The following BAZ2B variants were observed in gnomAD, a reference collection of about 807,000 sequenced individuals.
BAZ2B encodes the protein bromodomain adjacent to zinc finger domain 2B.
BAZ2B carries 91 observed loss-of-function variants against 246.0 expected under a neutral mutation model. The ratio of observed to expected loss-of-function variants is 0.37; its 90% CI spans 0.31 to 0.44. The LOEUF (loss-of-function observed/expected upper bound fraction) is 0.44. Among genes scored for constraint, BAZ2B ranks in the 20% least tolerant of loss-of-function variants. The pLI is 1.00. For missense variants in BAZ2B, 2,332 were observed against 2,533.7 expected (o/e 0.92, Z 1.71); for synonymous variants, 855 against 860.0 (o/e 0.99, Z 0.10).
the BAZ2B span, among the ~76,000 whole-genome samples, chr2:159,625,810 C>G: frequency 6.6e-6 from 1 of 152,090 alleles, no homozygotes; most frequent in Non-Finnish European, 1.5e-5. Flanking sequence ...ATGACAGGAT[C>G]AAATTCACAC....
intron 1 of BAZ2B, among the ~76,000 whole-genome samples, chr2:159,603,850 C>T (rs1318810598): frequency 6.6e-6 from 1 of 152,168 alleles, no homozygotes; most frequent in Non-Finnish European, 1.5e-5. Flanking sequence ...TCTATGGCCA[C>T]TCCTGTCATT....
At chr2:159,648,692 A>G in the BAZ2B span, among the ~76,000 whole-genome samples, 1 of 152,118 alleles carries the variant, frequency 6.6e-6, no homozygotes, top group Non-Finnish European at 1.5e-5. Flanking sequence ...CATTATACAG[A>G]TATCAGGTTT....
At chr2:159,699,924 C>T in the BAZ2B span, among the ~76,000 whole-genome samples, 4 of 152,148 alleles carry the variant, frequency 2.6e-5, no homozygotes, top group African/African-American at 9.7e-5. Context: ...CAAGATGGCA[C>T]TTTGTTGCTG....
the BAZ2B span, among the ~76,000 whole-genome samples, chr2:159,702,806 C>T: frequency 5.7e-3 from 868 of 152,156 alleles, 6 homozygotes; most frequent in African/African-American, 0.02. Flanking sequence ...TTTGGGACGC[C>T]GAGGCGGGCG....
intron 1 of BAZ2B, among the ~76,000 whole-genome samples, chr2:159,607,565 A>AGCAATGGAGGAAT (rs1157626974): frequency 6.6e-6 from 1 of 151,780 alleles, no homozygotes; most frequent in African/African-American, 2.4e-5. Flanking sequence ...CAATTTTGAA[A>AGCAATGGAGGAAT]GGAAGGATCC....
intron 1 of BAZ2B, among the ~76,000 whole-genome samples, chr2:159,583,030 A>T (rs1232223671): frequency 6.6e-6 from 1 of 152,154 alleles, no homozygotes; most frequent in African/African-American, 2.4e-5. Flanking sequence ...CAAAATACTT[A>T]TACATATAAG....
In BAZ2B at chr2:159,361,050, T is replaced by TCAC. The variant is rs1368582814; in HGVS notation, c.4214-10694_4214-10693insGTG. On this transcript the variant is annotated intron_variant, in intron 27 of 36. Transcript: ENST00000392783. ...CAGGACATAGGCATGGGCAAGGACT[T>TCAC]GGTAACTAAAACACTAAAAGCAATG... Among the ~76,000 whole-genome samples the TCAC allele has an allele frequency of 9.2e-3, 1,399 of 151,470 alleles. 21 individuals are homozygous for TCAC. The highest frequency in any genetic ancestry group is 0.051 in the East Asian group (259 of 5,048).
intron 2 of BAZ2B, among the ~76,000 whole-genome samples, chr2:159,547,324 C>CT (rs1179254921): frequency 6.6e-6 from 1 of 152,022 alleles, no homozygotes; most frequent in Non-Finnish European, 1.5e-5. Flanking sequence ...ATTAGTTAAA[C>CT]TTTTTTAACA....
chr2:159,634,221 C>A, the BAZ2B span, among the ~76,000 whole-genome samples: 1 of 152,278 alleles, frequency 6.6e-6, no homozygotes. Context: ...TAATGGTGAT[C>A]TTTCTTGTTC....
the BAZ2B span, among the ~76,000 whole-genome samples, chr2:159,703,966 A>G: frequency 1.3e-5 from 2 of 152,242 alleles, no homozygotes; most frequent in Non-Finnish European, 2.9e-5. Flanking sequence ...CTTATGTGCC[A>G]TGCTAAAGTT....
At chr2:159,361,211 G>A (rs1187070972) in intron 27 of BAZ2B, among the ~76,000 whole-genome samples, 1 of 152,138 alleles carries the variant, frequency 6.6e-6, no homozygotes, top group African/African-American at 2.4e-5. Flanking sequence ...ATCTGACAAA[G>A]CGCTAGTATC....
chr2:159,697,160 T>C, the BAZ2B span, among the ~76,000 whole-genome samples: 1 of 152,172 alleles, frequency 6.6e-6, no homozygotes, highest in African/African-American at 2.4e-5. Flanking sequence ...AGTAATGCAT[T>C]TGCCACTACT....
rs1234527235 is a variant in BAZ2B at position 159,338,456 on chromosome 2, A to G, written c.5455-684T>C. 2.0e-5 allele frequency among the ~76,000 whole-genome samples: 3 copies of G among 152,204 alleles called. No homozygotes were observed. The East Asian group carries it at 5.8e-4, about 29-fold the overall frequency. On this transcript the variant is annotated intron_variant, in intron 31 of 36. Transcript: ENST00000392783. The stretch of plus-strand genomic sequence containing the variant: ...TATTTTTCTACTTCTAAATTCCATG[A>G]GAGCAGGGACTATGTCTGCTTTTAC...
intron 1 of BAZ2B, among the ~76,000 whole-genome samples, chr2:159,557,589 T>G (rs2089341071): frequency 6.6e-6 from 1 of 152,164 alleles, no homozygotes; most frequent in African/African-American, 2.4e-5. Flanking sequence ...ACTGGTTTTC[T>G]CACTTCAATC....
chr2:159,487,289 A>G (rs1457308793), intron 2 of BAZ2B, among the ~76,000 whole-genome samples: 1 of 152,138 alleles, frequency 6.6e-6, no homozygotes, highest in Non-Finnish European at 1.5e-5. Context: ...CCACATACCA[A>G]CTACTTGTGT....
chr2:159,663,476 T>C, the BAZ2B span, among the ~76,000 whole-genome samples: 1 of 151,814 alleles, frequency 6.6e-6, no homozygotes, highest in African/African-American at 2.4e-5. Flanking sequence ...GTGCTGGGAT[T>C]ACAGGTGTAA....
intron 27 of BAZ2B, among the ~76,000 whole-genome samples, chr2:159,355,825 C>T (rs2059049338): frequency 6.6e-6 from 1 of 152,116 alleles, no homozygotes; most frequent in African/African-American, 2.4e-5. Flanking sequence ...ACAGTGGGTG[C>T]AGCACACAGA....
intron 33 of BAZ2B, among the ~76,000 whole-genome samples, chr2:159,335,271 GTGCGGTGGCTCATGCT>G (rs1298045973): frequency 2.0e-5 from 3 of 152,124 alleles, no homozygotes; most frequent in Admixed American, 6.5e-5. Context: ...TCTGGGCCAG[GTGCGGTGGCTCATGCT>G]TGTAATCCCA....
intron 3 of BAZ2B, among the ~76,000 whole-genome samples, chr2:159,456,816 G>C (rs1231461577): frequency 6.6e-6 from 1 of 152,118 alleles, no homozygotes; most frequent in Non-Finnish European, 1.5e-5. Context: ...AGTATACTAA[G>C]ATCACTTATC....
Sources: gnomAD v4.1 joint callset for allele counts (sites outside exome capture counted in the v4.1 genomes callset) on GRCh38, gnomAD v4.1.1 for gene constraint, MANE v1.5 for transcripts, NCBI Gene and HGNC (gene_info 2026-07-23, HGNC 2026-07-21) for gene names.